PRKN: variants seen among roughly 807,000 people sequenced by gnomAD.
PRKN encodes the protein E3 ubiquitin-protein ligase parkin.
In PRKN, 56 loss-of-function variants were observed where a neutral mutation model predicts 59.5. The observed-to-expected ratio is 0.94, with a 90% CI of 0.76 to 1.18. PRKN has a LOEUF of 1.18. Ranked by LOEUF, PRKN falls within the 50% of genes most tolerant of loss-of-function variation. The probability of loss-of-function intolerance (pLI) is 0.00; values close to 1 mark genes in which losing one functional copy is unlikely to be tolerated. For missense variants in PRKN, 657 were observed against 596.4 expected (o/e 1.10, Z -1.06); for synonymous variants, 250 against 222.1 (o/e 1.13, Z -1.12).
intron 7 of PRKN, among the ~76,000 whole-genome samples, chr6:161,570,144 A>T (rs866725316): frequency 0.047 from 5,624 of 120,200 alleles, 106 homozygotes; most frequent in African/African-American, 0.071. Flanking sequence ...AAAAAAAAAA[A>T]AAATATATAT....
intron 6 of PRKN, among the ~76,000 whole-genome samples, chr6:161,938,127 T>C (rs1562402905): frequency 2.6e-5 from 4 of 152,332 alleles, no homozygotes; most frequent in African/African-American, 9.6e-5. Context: ...CATTTGAGAA[T>C]GGTTCTTATT....
intron 7 of PRKN, among the ~76,000 whole-genome samples, chr6:161,628,317 G>T (rs1783170014): frequency 1.3e-5 from 2 of 152,338 alleles, no homozygotes; most frequent in South Asian, 4.1e-4. Context: ...AAGTCTGGAG[G>T]TTGCAAGGCC....
At chr6:162,453,772 G>A (rs142426573) in intron 1 of PRKN, among the ~76,000 whole-genome samples, 225 of 152,082 alleles carry the variant, frequency 1.5e-3, no homozygotes, top group African/African-American at 5.0e-3. Flanking sequence ...GCGTGGTGGC[G>A]CACACCTGTA....
At chr6:162,498,388 C>CCTTT (rs1562332490) in intron 1 of PRKN, among the ~76,000 whole-genome samples, 2 of 33,142 alleles carry the variant, frequency 6.0e-5, no homozygotes, top group South Asian at 2.3e-3. Flanking sequence ...TTTTTTCTTT[C>CCTTT]TTTCCTTTTT....
chr6:161,822,136 T>G (rs1489404491), intron 6 of PRKN, among the ~76,000 whole-genome samples: 1 of 152,136 alleles, frequency 6.6e-6, no homozygotes, highest in Non-Finnish European at 1.5e-5. Context: ...CACTCAGTCT[T>G]TCTTAGCAAT....
intron 6 of PRKN, among the ~76,000 whole-genome samples, chr6:161,790,200 T>C (rs1790583802): frequency 6.6e-6 from 1 of 152,216 alleles, no homozygotes. Flanking sequence ...GATTGATGTT[T>C]GGTCACTGGA....
At chr6:162,634,304 T>G (rs576631117) in intron 1 of PRKN, among the ~76,000 whole-genome samples, 1 of 152,106 alleles carries the variant, frequency 6.6e-6, no homozygotes, top group East Asian at 1.9e-4. Flanking sequence ...GGTTTCTCCC[T>G]CCTCCTCCTC....
intron 1 of PRKN, among the ~76,000 whole-genome samples, chr6:162,725,087 C>A (rs1779084307): frequency 6.6e-6 from 1 of 152,214 alleles, no homozygotes; most frequent in East Asian, 1.9e-4. Context: ...TGTCTTTATT[C>A]TGGGCCCAGT....
At chr6:161,973,125 T>C (rs1490341900) in intron 6 of PRKN, among the ~76,000 whole-genome samples, 177 bp downstream of exon 6, 2 of 152,194 alleles carry the variant, frequency 1.3e-5, no homozygotes, top group East Asian at 3.8e-4. Context: ...CATTAAAATA[T>C]ACCCAAATTG....
intron 3 of PRKN, among the ~76,000 whole-genome samples, chr6:162,220,396 C>G (rs1182052695): frequency 6.6e-6 from 1 of 152,098 alleles, no homozygotes; most frequent in Non-Finnish European, 1.5e-5. Flanking sequence ...AGGGAGTAAA[C>G]AGGCAACTAC....
intron 9 of PRKN, among the ~76,000 whole-genome samples, chr6:161,515,186 C>T (rs897431071): frequency 6.6e-6 from 1 of 152,188 alleles, no homozygotes; most frequent in Non-Finnish European, 1.5e-5. Context: ...ATCTACTGAA[C>T]ATCTATTATA....
chr6:162,300,418 T>C (rs1221844639), intron 2 of PRKN, among the ~76,000 whole-genome samples: 1 of 152,172 alleles, frequency 6.6e-6, no homozygotes, highest in Non-Finnish European at 1.5e-5. Context: ...CTCATTTAGG[T>C]TTCTAAAAGA....
At chr6:162,615,011 C>T (rs1782344458) in intron 1 of PRKN, among the ~76,000 whole-genome samples, 1 of 152,088 alleles carries the variant, frequency 6.6e-6, no homozygotes, top group Non-Finnish European at 1.5e-5. Flanking sequence ...TTGGATATGA[C>T]AGTAATTAGA....
intron 6 of PRKN, among the ~76,000 whole-genome samples, chr6:161,867,736 C>T (rs1055945385): frequency 3.0e-5 from 2 of 66,540 alleles, no homozygotes; most frequent in Non-Finnish European, 6.5e-5. Flanking sequence ...TGGGAAAAAT[C>T]TTTCATTTAT....
chr6:162,359,677 A>C (rs1785052113), intron 2 of PRKN, among the ~76,000 whole-genome samples: 1 of 152,230 alleles, frequency 6.6e-6, no homozygotes, highest in South Asian at 2.1e-4. Flanking sequence ...AAAATGTCTT[A>C]ATACCCACTT....
At chr6:161,439,687 G>A (rs1254626810) in intron 9 of PRKN, among the ~76,000 whole-genome samples, 3 of 135,374 alleles carry the variant, frequency 2.2e-5, no homozygotes, top group Non-Finnish European at 3.2e-5. Flanking sequence ...TACCTTTGGT[G>A]AAACAAGGAA....
intron 1 of PRKN, among the ~76,000 whole-genome samples, chr6:162,482,382 G>C (rs1792350357): frequency 6.6e-6 from 1 of 152,118 alleles, no homozygotes; most frequent in African/African-American, 2.4e-5. Flanking sequence ...TGCACTTGAA[G>C]AAATTCCAGT....
At chr6:162,541,912 T>G (rs1173178889) in intron 1 of PRKN, among the ~76,000 whole-genome samples, 1 of 152,052 alleles carries the variant, frequency 6.6e-6, no homozygotes, top group African/African-American at 2.4e-5. Context: ...AATGGTTGAA[T>G]TCTATGAGTA....
chr6:161,724,234 T>C (rs1169447694), intron 7 of PRKN, among the ~76,000 whole-genome samples: 1 of 152,214 alleles, frequency 6.6e-6, no homozygotes, highest in Non-Finnish European at 1.5e-5. Context: ...ATAGCTCCCT[T>C]TCATGTTAAA....
Sources: allele counts gnomAD v4.1 joint callset (sites outside exome capture counted in the v4.1 genomes callset), GRCh38; gene constraint gnomAD v4.1.1; transcripts MANE v1.5; gene names NCBI Gene and HGNC (gene_info 2026-07-23, HGNC 2026-07-21).